Variants in CDH13 observed in about 807,000 individuals in gnomAD.
CDH13 encodes the protein cadherin-13.
In CDH13, 24 loss-of-function variants were observed where a neutral mutation model predicts 63.8. The observed-to-expected ratio is 0.38, with a 90% CI of 0.27 to 0.53. The LOEUF (loss-of-function observed/expected upper bound fraction) is 0.53, where lower values mean the gene tolerates loss of function less well. Ranked by LOEUF, CDH13 falls within the 20% of genes least tolerant of loss-of-function variation. The pLI, the probability that CDH13 is intolerant of heterozygous loss-of-function variation, is 0.85. For synonymous variants in CDH13, 503 were observed against 355.3 expected (o/e 1.42, Z -4.67); for missense variants, 1,049 against 903.1 (o/e 1.16, Z -2.07).
chr16:83,427,207 C>T (rs1371710740), intron 6 of CDH13, among the ~76,000 whole-genome samples: 1 of 151,980 alleles, frequency 6.6e-6, no homozygotes, highest in East Asian at 1.9e-4. Flanking sequence ...AGCCACCGCG[C>T]CCGGCCTAAA....
chr16:82,890,710 G>C (rs2041051119), intron 2 of CDH13, among the ~76,000 whole-genome samples: 1 of 147,874 alleles, frequency 6.8e-6, no homozygotes, highest in Non-Finnish European at 1.5e-5. Flanking sequence ...AGAGTGCAAT[G>C]GCATGATCTT....
intron 1 of CDH13, among the ~76,000 whole-genome samples, chr16:82,661,557 A>G (rs1399905883): frequency 1.3e-5 from 2 of 152,234 alleles, no homozygotes; most frequent in African/African-American, 2.4e-5. Context: ...GGCTATCAGC[A>G]TCAACACCTT....
At chr16:83,406,724 C>T (rs905219906) in intron 6 of CDH13, among the ~76,000 whole-genome samples, 3 of 152,152 alleles carry the variant, frequency 2.0e-5, no homozygotes, top group African/African-American at 7.2e-5. Flanking sequence ...CCTCAACCTC[C>T]CAAAGTGCTG....
rs183208167 is a variant in CDH13 at position 83,583,048 on chromosome 16, C to T, written c.961-19406C>T. Among the ~76,000 whole-genome samples, 1,147 of 152,298 alleles carry T rather than the reference C, an allele frequency of 7.5e-3. 5 individuals carry two copies. Among genetic ancestry groups the T allele is most frequent in the South Asian group, 0.019 (91 of 4,824 alleles). ...AGTGTTGGTAGGCCTTGCTGTCTCT[C>T]GTGGTCCCAGGGAGGATCCCATCTG... is the stretch of plus-strand genomic sequence containing the variant. On this transcript the variant is annotated intron_variant, in intron 7 of 13. Coordinates refer to ENST00000567109, the MANE Select transcript of CDH13 (RefSeq NM_001257.5).
intron 6 of CDH13, among the ~76,000 whole-genome samples, chr16:83,373,422 A>T (rs894054099): frequency 1.3e-5 from 2 of 152,164 alleles, no homozygotes; most frequent in Non-Finnish European, 2.9e-5. Flanking sequence ...GTCTTGAAGG[A>T]ATCCCTTCTG....
chr16:83,148,257 G>C (rs2036834754), intron 4 of CDH13, among the ~76,000 whole-genome samples: 1 of 152,138 alleles, frequency 6.6e-6, no homozygotes, highest in African/African-American at 2.4e-5. Context: ...GCTGTTTAAG[G>C]GGCCAGAGAG....
intron 11 of CDH13, among the ~76,000 whole-genome samples, chr16:83,749,005 T>G (rs1314543471): frequency 6.6e-6 from 1 of 152,102 alleles, no homozygotes; most frequent in Non-Finnish European, 1.5e-5. Flanking sequence ...AAAAGAGAGT[T>G]CCTATATACT....
chr16:82,874,909 C>G (rs778664602), intron 2 of CDH13, among the ~76,000 whole-genome samples: 1 of 152,060 alleles, frequency 6.6e-6, no homozygotes, highest in East Asian at 1.9e-4. Context: ...GTTGGGATTG[C>G]CAGATGGATA....
chr16:82,659,675 C>A (rs575739754), intron 1 of CDH13, among the ~76,000 whole-genome samples: 1 of 152,254 alleles, frequency 6.6e-6, no homozygotes, highest in Admixed American at 6.5e-5. Context: ...CACTGGAATA[C>A]AATGGGGGTA....
intron 1 of CDH13, among the ~76,000 whole-genome samples, chr16:82,751,010 T>TC (rs931356145): frequency 5.9e-5 from 9 of 152,198 alleles, no homozygotes; most frequent in African/African-American, 2.2e-4. Flanking sequence ...GCTGGTCCTC[T>TC]CCCCAGCCAA....
intron 6 of CDH13, among the ~76,000 whole-genome samples, chr16:83,388,520 G>A (rs1444235003): frequency 6.6e-6 from 1 of 152,074 alleles, no homozygotes; most frequent in East Asian, 1.9e-4. Context: ...TTTGGAGGTG[G>A]CACCATGGGC....
At chr16:82,839,456 G>C (rs979527303) in intron 1 of CDH13, among the ~76,000 whole-genome samples, 1 of 152,168 alleles carries the variant, frequency 6.6e-6, no homozygotes, top group African/African-American at 2.4e-5. Context: ...TGGCAGTGCA[G>C]GGTTTCCTGG....
At chr16:83,158,125 T>C (rs2037292132) in intron 4 of CDH13, among the ~76,000 whole-genome samples, 1 of 151,980 alleles carries the variant, frequency 6.6e-6, no homozygotes, top group South Asian at 2.1e-4. Flanking sequence ...ATTCAGGGGA[T>C]AAGATCAGGA....
At chr16:83,332,073 CT>C (rs1300158645) in intron 5 of CDH13, among the ~76,000 whole-genome samples, 1 of 152,048 alleles carries the variant, frequency 6.6e-6, no homozygotes, top group African/African-American at 2.4e-5. Context: ...CCTCATAAGT[CT>C]GTCAAACACT....
chr16:83,193,884 A>G (rs962305975), intron 4 of CDH13, among the ~76,000 whole-genome samples: 13 of 152,210 alleles, frequency 8.5e-5, no homozygotes, highest in African/African-American at 3.1e-4. Context: ...AAATTAATAT[A>G]AAAACAGAAT....
intron 8 of CDH13, among the ~76,000 whole-genome samples, chr16:83,670,454 G>A (rs1914399681): frequency 6.6e-6 from 1 of 152,170 alleles, no homozygotes; most frequent in African/African-American, 2.4e-5. Context: ...GCTTCCCTGG[G>A]GTTTTGTGGT....
At chr16:82,771,863 G>T (rs879343099) in intron 1 of CDH13, among the ~76,000 whole-genome samples, 1 of 152,246 alleles carries the variant, frequency 6.6e-6, no homozygotes, top group African/African-American at 2.4e-5. Flanking sequence ...CTTCCAGGGA[G>T]ACTGGGAATG....
intron 4 of CDH13, among the ~76,000 whole-genome samples, chr16:83,180,650 A>G (rs1312990832): frequency 2.0e-5 from 3 of 152,206 alleles, no homozygotes; most frequent in Middle Eastern, 3.2e-3. Flanking sequence ...AGTCCATATT[A>G]TCTTGGAACT....
intron 2 of CDH13, among the ~76,000 whole-genome samples, chr16:82,942,695 C>G (rs1290941763): frequency 6.6e-6 from 1 of 151,786 alleles, no homozygotes; most frequent in Admixed American, 6.6e-5. Flanking sequence ...AGGAAGATGC[C>G]CAAGAAGAAG....
Sources: allele counts gnomAD v4.1 joint callset (sites outside exome capture counted in the v4.1 genomes callset), GRCh38; gene constraint gnomAD v4.1.1; transcripts MANE v1.5; gene names NCBI Gene and HGNC (gene_info 2026-07-23, HGNC 2026-07-21).